RHOBTB1: variants seen among roughly 807,000 people sequenced by gnomAD.
The protein encoded by RHOBTB1 is Rho related BTB domain containing 1, also known as rho-related BTB domain-containing protein 1.
A neutral mutation model predicts 71.6 loss-of-function variants in RHOBTB1; 40 were observed. The observed-to-expected ratio is 0.56, with a 90% CI of 0.43 to 0.73. The LOEUF (loss-of-function observed/expected upper bound fraction) is 0.73, where lower values mean the gene tolerates loss of function less well. Ranked by LOEUF, RHOBTB1 falls within the 30% of genes least tolerant of loss-of-function variation. RHOBTB1 has a pLI of 0.00. For synonymous variants in RHOBTB1, 319 were observed against 334.9 expected (o/e 0.95, Z 0.52); for missense variants, 797 against 894.0 (o/e 0.89, Z 1.38).
rs561501064 is a variant in RHOBTB1 at position 60,904,382 on chromosome 10, C to T, written c.296+6505G>A. 2.0e-5 allele frequency among the ~76,000 whole-genome samples: 3 copies of T among 152,296 alleles called. No homozygotes were observed. In the East Asian group the frequency reaches 5.8e-4, roughly 29 times the overall value. ...ATCATGATCAAAATGGCAAACATTTCCATCACCCCTAAAATTTCCTTATGT... is the reference window on the plus strand; with the variant it reads ...ATCATGATCAAAATGGCAAACATTTTCATCACCCCTAAAATTTCCTTATGT... On this transcript the variant is annotated intron_variant, in intron 4 of 10. Coordinates refer to ENST00000337910, the MANE Select transcript of RHOBTB1 (RefSeq NM_014836.5).
chr10:60,919,656 A>G (rs2083450745), intron 2 of RHOBTB1, among the ~76,000 whole-genome samples: 1 of 152,240 alleles, frequency 6.6e-6, no homozygotes, highest in South Asian at 2.1e-4. Context: ...TAAAAAAGAA[A>G]AGAGTAAGTA....
chr10:60,946,359 G>A (rs911460383), upstream of RHOBTB1, among the ~76,000 whole-genome samples: 3 of 152,050 alleles, frequency 2.0e-5, no homozygotes, highest in African/African-American at 7.2e-5. Context: ...AACTGCCCTG[G>A]CAGCTAAAAA....
chr10:60,961,327 C>T (rs992038467), intron 2 of RHOBTB1, among the ~76,000 whole-genome samples: 1 of 152,170 alleles, frequency 6.6e-6, no homozygotes, highest in Non-Finnish European at 1.5e-5. Context: ...CCACTGCTTA[C>T]TAGCGGTACA....
chr10:60,878,509 G>A (rs967350140), intron 7 of RHOBTB1, among the ~76,000 whole-genome samples: 1 of 152,202 alleles, frequency 6.6e-6, no homozygotes, highest in Non-Finnish European at 1.5e-5. Flanking sequence ...CACCCTAGCT[G>A]CCACAGTGAC....
chr10:60,958,114 C>A (rs1164310547), intron 2 of RHOBTB1, among the ~76,000 whole-genome samples: 1 of 151,992 alleles, frequency 6.6e-6, no homozygotes, highest in African/African-American at 2.4e-5. Context: ...AAACAGCCAA[C>A]GTCAAACTAA....
intron 2 of RHOBTB1, among the ~76,000 whole-genome samples, chr10:60,956,524 C>G (rs1186454812): frequency 2.0e-5 from 3 of 151,932 alleles, no homozygotes; most frequent in Admixed American, 2.0e-4. Flanking sequence ...TTTTAAAAAC[C>G]TTTTGGCTAT....
rs940434520 is a variant in RHOBTB1, at chr10:60,973,316, A to G, written c.-62+12529T>C. Among the ~76,000 whole-genome samples the G allele has an allele frequency of 5.9e-5, 9 of 152,244 alleles. No homozygotes were observed. The East Asian group carries it at 1.7e-3, about 29-fold the overall frequency. Reference sequence around the variant, plus strand: ...AAGATTATTACAAAATCACAGAGCTAGGAGATCATCAGGGGGTCATTTAGT... The same window carrying G: ...AAGATTATTACAAAATCACAGAGCTGGGAGATCATCAGGGGGTCATTTAGT... On this transcript the variant is annotated intron_variant, in intron 2 of 11. Coordinates refer to the RHOBTB1 transcript ENST00000357917.
chr10:60,904,576 G>A (rs1388886397), intron 4 of RHOBTB1, among the ~76,000 whole-genome samples: 2 of 152,088 alleles, frequency 1.3e-5, no homozygotes, highest in East Asian at 1.9e-4. Context: ...CTCTCTAATC[G>A]TCAAAAATTC....
At chr10:60,956,139 C>T (rs1328883948) in intron 2 of RHOBTB1, among the ~76,000 whole-genome samples, 5 of 152,122 alleles carry the variant, frequency 3.3e-5, no homozygotes, top group East Asian at 3.9e-4. Context: ...TGGTATAGCC[C>T]GTTGTTTCTA....
Position 60,888,359 on chromosome 10 carries a change from C to A in RHOBTB1, c.1309G>T (p.Ala437Ser), listed in dbSNP as rs763301456. 7 of 1,614,156 alleles carry A rather than the reference C, an allele frequency of 4.3e-6. No homozygotes were observed. Among genetic ancestry groups the A allele is most frequent in the Non-Finnish European group, 5.1e-6 (6 of 1,180,024 alleles). Residue 437 changes from alanine to serine, a missense_variant, in exon 6 of 11, where the codon GCA (alanine) becomes TCA (serine). Ala to Ser is a moderately conservative substitution (Grantham distance 99). This residue lies in a region of RHOBTB1 where 658 missense variants were observed against 681.5 expected (regional missense o/e 0.97). Transcript: ENST00000337910. ...AAATCGAACATCTCGAGGACCTCTG[C>A]GATCTGAGCCAGGCCCACCAAATCC... Reference protein sequence around the residue: ...EKDLVGLAQIAEVLEMFDLRM... With the variant: ...EKDLVGLAQISEVLEMFDLRM...
rs1383330097 is a variant in RHOBTB1 at position 60,974,585 on chromosome 10, G to C, written c.-62+11260C>G. Among the ~76,000 whole-genome samples the C allele has an allele frequency of 2.6e-5, 4 of 151,990 alleles. No homozygotes were observed. In the East Asian group the frequency reaches 7.7e-4, roughly 29 times the overall value. On this transcript the variant is annotated intron_variant, in intron 2 of 11. Transcript: ENST00000357917. ...CAGAACACCCATTTCTTGGGCATGGGATTTGAGTTTAGACTTGTTTAGAGG... is the reference window on the plus strand; with the variant it reads ...CAGAACACCCATTTCTTGGGCATGGCATTTGAGTTTAGACTTGTTTAGAGG...
intron 2 of RHOBTB1, among the ~76,000 whole-genome samples, chr10:60,937,427 G>A (rs2084655160): frequency 6.6e-6 from 1 of 152,100 alleles, no homozygotes; most frequent in Admixed American, 6.6e-5. Context: ...TTTCAAAATT[G>A]AAAGCAAAAA....
chr10:60,925,663 T>C (rs964543713), intron 2 of RHOBTB1, among the ~76,000 whole-genome samples: 1 of 151,656 alleles, frequency 6.6e-6, no homozygotes, highest in Non-Finnish European at 1.5e-5. Context: ...AATGGACAAA[T>C]CTTTAGCCAG....
intron 4 of RHOBTB1, among the ~76,000 whole-genome samples, chr10:60,893,682 A>G (rs900543509): frequency 3.3e-5 from 5 of 152,244 alleles, no homozygotes; most frequent in African/African-American, 1.2e-4. Context: ...TTGGAAGCAG[A>G]TTTCTCAAAT....
At chr10:60,965,082 T>C (rs531674166) in intron 2 of RHOBTB1, among the ~76,000 whole-genome samples, 176 of 152,228 alleles carry the variant, frequency 1.2e-3, no homozygotes, top group African/African-American at 4.0e-3. Context: ...TTCAACCATT[T>C]AACATTCGTT....
intron 2 of RHOBTB1, among the ~76,000 whole-genome samples, chr10:60,958,469 A>C (rs934650332): frequency 6.6e-6 from 1 of 152,182 alleles, no homozygotes; most frequent in Non-Finnish European, 1.5e-5. Flanking sequence ...TCTATAGGGC[A>C]AAACTTGGAA....
Position 60,911,563 on chromosome 10 carries a change from A to G in RHOBTB1, c.-10-11T>C, listed in dbSNP as rs1589273450. The G allele has an allele frequency of 1.2e-6, 2 of 1,606,636 alleles. No individual in the cohort carries two copies. The highest frequency in any genetic ancestry group is 2.2e-5 in the East Asian group (1 of 44,816). On this transcript the variant is annotated splice_polypyrimidine_tract_variant and intron_variant, in intron 2 of 10. Coordinates refer to ENST00000337910, the MANE Select transcript of RHOBTB1 (RefSeq NM_014836.5). ...TCCATTTATGAAACTCTGTAAGAAG[A>G]GAGTGAACACCACAGTAAGGACACC...
chr10:61,000,143 G>A (rs772476846), intron 1 of RHOBTB1, among the ~76,000 whole-genome samples: 13 of 152,258 alleles, frequency 8.5e-5, no homozygotes, highest in African/African-American at 1.2e-4. Context: ...TAATCCTTAC[G>A]CTTCCGAGTG....
At chr10:60,893,261 G>C (rs1231740039) in intron 4 of RHOBTB1, among the ~76,000 whole-genome samples, 1 of 152,108 alleles carries the variant, frequency 6.6e-6, no homozygotes, top group African/African-American at 2.4e-5. Flanking sequence ...GTTATTTTAT[G>C]GTAGAGATGA....
Sources: gnomAD v4.1 joint callset for allele counts (sites outside exome capture counted in the v4.1 genomes callset) on GRCh38, gnomAD v4.1.1 for gene constraint, gnomAD v4.1.1 regional missense constraint, MANE v1.5 for transcripts, NCBI Gene and HGNC (gene_info 2026-07-23, HGNC 2026-07-21) for gene names.